KAZN: variants seen among roughly 807,000 people sequenced by gnomAD.
KAZN encodes the protein kazrin.
KAZN carries 40 observed loss-of-function variants against 87.4 expected under a neutral mutation model. The observed-to-expected ratio is 0.46, with a 90% confidence interval of 0.36 to 0.60. The LOEUF (loss-of-function observed/expected upper bound fraction) is 0.60. KAZN is among the 20% of genes least tolerant of loss of function. KAZN has a pLI of 0.00. For synonymous variants in KAZN, 466 were observed against 458.3 expected, an observed-to-expected ratio of 1.02 and a Z score of -0.22; for missense variants, 898 against 1,073.9, an observed-to-expected ratio of 0.84 and a Z score of 2.29.
At chr1:14,812,484 G>A (rs560553572) in intron 1 of KAZN, among the ~76,000 whole-genome samples, 95 of 152,198 alleles carry the variant, frequency 6.2e-4, no homozygotes, top group African/African-American at 2.0e-3. Context: ...TTTCTGTCCC[G>A]GATCACATTC....
intron 2 of KAZN, among the ~76,000 whole-genome samples, chr1:14,523,566 T>A (rs1466642510): frequency 6.6e-6 from 1 of 152,252 alleles, no homozygotes. Context: ...CCCAGCTTTT[T>A]TGCTGCTCCA....
chr1:14,994,297 C>G (rs910867708), intron 2 of KAZN, among the ~76,000 whole-genome samples: 13 of 152,250 alleles, frequency 8.5e-5, no homozygotes, highest in Non-Finnish European at 1.9e-4. Context: ...AGCCTGGACT[C>G]TTGGGGGAGG....
chr1:14,403,049 ACTC>A (rs1157494875), intron 2 of KAZN, among the ~76,000 whole-genome samples: 4 of 151,740 alleles, frequency 2.6e-5, no homozygotes, highest in Non-Finnish European at 5.9e-5. Context: ...CTGGTCTTGA[ACTC>A]CTGGCCTCAA....
At position 14,347,215 on chromosome 1, in the gene KAZN, C is replaced by G. The variant is rs545850103; in HGVS notation, c.249+166623C>G. Among the ~76,000 whole-genome samples the G allele has an allele frequency of 2.0e-5, 3 of 152,310 alleles. No homozygotes were observed. In the Middle Eastern group the frequency reaches 0.01, roughly 518 times the overall value. ...GGACGTGTATGTGTAAGGGCTATCACGTAGATTGTTCTGGCTGGGCACTGC... is the reference window on the plus strand; with the variant it reads ...GGACGTGTATGTGTAAGGGCTATCAGGTAGATTGTTCTGGCTGGGCACTGC... On this transcript the variant is annotated intron_variant, in intron 2 of 16. Transcript: ENST00000636203.
intron 2 of KAZN, among the ~76,000 whole-genome samples, chr1:14,335,848 C>A (rs1657227864): frequency 6.6e-6 from 1 of 152,130 alleles, no homozygotes; most frequent in Admixed American, 6.6e-5. Context: ...GGGAAGCTCT[C>A]ACTTCTGTTT....
intron 2 of KAZN, among the ~76,000 whole-genome samples, chr1:14,280,690 AG>A (rs1652784531): frequency 6.6e-6 from 1 of 152,204 alleles, no homozygotes; most frequent in South Asian, 2.1e-4. Context: ...CTCTTGTTTC[AG>A]CCACCCAGCC....
chr1:14,738,980 C>G (rs1304624111), intron 1 of KAZN, among the ~76,000 whole-genome samples: 1 of 152,116 alleles, frequency 6.6e-6, no homozygotes, highest in East Asian at 1.9e-4. Flanking sequence ...CAAGACCAAC[C>G]TGGGCAACCT....
chr1:14,688,794 T>C (rs1369733854), intron 1 of KAZN, among the ~76,000 whole-genome samples: 2 of 152,250 alleles, frequency 1.3e-5, no homozygotes, highest in African/African-American at 4.8e-5. Context: ...TGTTATTCTG[T>C]ATGCAGAGAA....
At chr1:14,298,873 C>A (rs183635695) in intron 2 of KAZN, among the ~76,000 whole-genome samples, 1 of 152,170 alleles carries the variant, frequency 6.6e-6, no homozygotes, top group Admixed American at 6.5e-5. Flanking sequence ...AACATTTTCC[C>A]TACCTACACT....
At chr1:13,930,957 C>G (rs1437081348) in intron 1 of KAZN, among the ~76,000 whole-genome samples, 2 of 152,196 alleles carry the variant, frequency 1.3e-5, no homozygotes, top group Admixed American at 6.5e-5. Context: ...CTTGTGGGTC[C>G]TGGCTCTATA....
At chr1:14,024,031 A>C (rs1343971902) in intron 1 of KAZN, among the ~76,000 whole-genome samples, 1 of 152,188 alleles carries the variant, frequency 6.6e-6, no homozygotes, top group Non-Finnish European at 1.5e-5. Context: ...GAGCCAGAGC[A>C]CCCCACGGAG....
At chr1:14,480,447 A>G (rs1375877844) in intron 2 of KAZN, among the ~76,000 whole-genome samples, 20 of 151,944 alleles carry the variant, frequency 1.3e-4, no homozygotes, top group Non-Finnish European at 1.5e-5. Context: ...TGACAATAAG[A>G]TGTACTATAC....
chr1:14,658,259 G>A (rs951998664), intron 1 of KAZN, among the ~76,000 whole-genome samples: 2 of 152,190 alleles, frequency 1.3e-5, no homozygotes, highest in African/African-American at 4.8e-5. Flanking sequence ...CAAATTCTCA[G>A]TGCCTAGTGA....
chr1:14,532,290 G>A (rs933404813), intron 2 of KAZN, among the ~76,000 whole-genome samples: 3 of 151,934 alleles, frequency 2.0e-5, no homozygotes, highest in Admixed American at 6.6e-5. Context: ...CAAAACCCCA[G>A]ACCCGCCCTC....
In KAZN at chr1:14,724,704, C is replaced by T. The variant is rs572315866; in HGVS notation, c.226+125481C>T. Among the ~76,000 whole-genome samples the T allele has an allele frequency of 5.8e-4, 89 of 152,380 alleles. 1 individual carries two copies. Among genetic ancestry groups the T allele is most frequent in the East Asian group, 3.9e-4 (2 of 5,190 alleles). ...TCCATTAAAACTCATTTGTTTCCAA[C>T]CTGGGTCTTTTGGAGTGTGTTCCCC... On this transcript the variant is annotated intron_variant, in intron 1 of 14. Transcript: ENST00000376030.
chr1:14,416,971 T>C (rs527527192), intron 2 of KAZN, among the ~76,000 whole-genome samples: 5 of 141,872 alleles, frequency 3.5e-5, no homozygotes, highest in Admixed American at 7.6e-5. Flanking sequence ...TGTATACATA[T>C]GTATATATGT....
At chr1:13,950,133 T>C (rs1223283170) in intron 1 of KAZN, among the ~76,000 whole-genome samples, 3 of 152,244 alleles carry the variant, frequency 2.0e-5, no homozygotes, top group Non-Finnish European at 4.4e-5. Flanking sequence ...CTTTGCTTCA[T>C]GCACCTGCTG....
chr1:14,929,028 C>A (rs1210867966), intron 1 of KAZN, among the ~76,000 whole-genome samples: 1 of 152,216 alleles, frequency 6.6e-6, no homozygotes, highest in Non-Finnish European at 1.5e-5. Context: ...AGCTATATGC[C>A]CCTAAGCAAG....
intron 2 of KAZN, among the ~76,000 whole-genome samples, chr1:14,520,834 A>G (rs368341248): frequency 5.3e-5 from 8 of 152,204 alleles, no homozygotes; most frequent in Non-Finnish European, 1.0e-4. Context: ...GGACTCAACT[A>G]AAAAATGAAA....
Sources: allele counts gnomAD v4.1 joint callset (sites outside exome capture counted in the v4.1 genomes callset), GRCh38; gene constraint gnomAD v4.1.1; transcripts MANE v1.5; gene names NCBI Gene and HGNC (gene_info 2026-07-23, HGNC 2026-07-21).